ADCY9: variants seen among roughly 807,000 people sequenced by gnomAD.
ADCY9 encodes the protein adenylate cyclase 9.
Under a neutral mutation model 101.5 loss-of-function variants are expected in ADCY9, and 50 were observed. The ratio of observed to expected loss-of-function variants is 0.49; its 90% CI spans 0.39 to 0.62. The LOEUF is 0.62. Among genes scored for constraint, ADCY9 ranks in the 20% least tolerant of loss-of-function variants. The pLI is 0.00. For missense variants in ADCY9, 1,662 were observed against 1,800.4 expected, an observed-to-expected ratio of 0.92 and a Z score of 1.39; for synonymous variants, 905 against 769.3, an observed-to-expected ratio of 1.18 and a Z score of -2.92.
chr16:3,967,253 G>A (rs1273898478), intron 10 of ADCY9, among the ~76,000 whole-genome samples: 1 of 152,188 alleles, frequency 6.6e-6, no homozygotes, highest in African/African-American at 2.4e-5. Context: ...GCCTCCCAAA[G>A]TGCTGGAATT....
chr16:4,000,603 C>T (rs888909669), intron 3 of ADCY9, among the ~76,000 whole-genome samples: 16 of 152,232 alleles, frequency 1.1e-4, no homozygotes, highest in African/African-American at 3.6e-4. Context: ...GAACAGACAG[C>T]AGATGGCCTG....
intron 2 of ADCY9, among the ~76,000 whole-genome samples, chr16:4,015,861 G>A (rs1051853977): frequency 2.6e-5 from 4 of 151,996 alleles, no homozygotes; most frequent in African/African-American, 9.7e-5. Flanking sequence ...CCAGCTACTC[G>A]GGAGGCTAAG....
intron 3 of ADCY9, among the ~76,000 whole-genome samples, chr16:4,002,265 A>AT (rs2056336126): frequency 6.6e-6 from 1 of 152,118 alleles, no homozygotes; most frequent in Admixed American, 6.5e-5. Flanking sequence ...ATATGAAATC[A>AT]TTTTTTCAAT....
chr16:4,083,204 C>A (rs1488639413), intron 2 of ADCY9, among the ~76,000 whole-genome samples: 1 of 152,112 alleles, frequency 6.6e-6, no homozygotes, highest in Non-Finnish European at 1.5e-5. Context: ...CGTTAACTCA[C>A]AACAAAAACC....
At chr16:4,105,675 C>T (rs2057072194) in intron 2 of ADCY9, among the ~76,000 whole-genome samples, 1 of 57,398 alleles carries the variant, frequency 1.7e-5, no homozygotes, top group Non-Finnish European at 3.2e-5. Flanking sequence ...GAGACTCCGT[C>T]TCAAAAAAAA....
At chr16:3,982,803 C>T in intron 7 of ADCY9, 1 of 174,536 alleles carries the variant, frequency 5.7e-6, no homozygotes, top group Non-Finnish European at 1.2e-5. Context: ...GCGTCACATC[C>T]AAGAGACCAC....
intron 3 of ADCY9, among the ~76,000 whole-genome samples, chr16:4,006,669 A>G (rs943904059): frequency 6.6e-6 from 1 of 152,226 alleles, no homozygotes; most frequent in Non-Finnish European, 1.5e-5. Context: ...AGATGTTTAA[A>G]CTATAAAAAT....
At chr16:4,024,581 G>A (rs981683648) in intron 2 of ADCY9, among the ~76,000 whole-genome samples, 2 of 152,076 alleles carry the variant, frequency 1.3e-5, no homozygotes, top group African/African-American at 4.8e-5. Context: ...TCTTTTTAAA[G>A]CCTACACAGC....
At chr16:4,071,078 C>G (rs550224708) in intron 2 of ADCY9, among the ~76,000 whole-genome samples, 1 of 151,940 alleles carries the variant, frequency 6.6e-6, no homozygotes. Context: ...ACCTGTAATC[C>G]CGGCACTTTG....
At chr16:4,016,476 G>T (rs181864499) in intron 2 of ADCY9, among the ~76,000 whole-genome samples, 65 of 152,308 alleles carry the variant, frequency 4.3e-4, no homozygotes, top group African/African-American at 1.5e-3. Context: ...GGTCACACCT[G>T]CAGCAGGGAC....
rs187151267 is a variant in ADCY9 at position 4,021,811 on chromosome 16, T to A, written c.1694-14253A>T. Among the ~76,000 whole-genome samples, 115 of 152,282 alleles carry A rather than the reference T, an allele frequency of 7.6e-4. No homozygotes were observed. The East Asian group carries it at 0.018, about 23-fold the overall frequency. ...GGCAGGTCCCAGCACCAGACTCCAC[T>A]TCATCAGAACACTTCTGTTAGAGTC... On this transcript the variant is annotated intron_variant, in intron 2 of 10. Coordinates refer to ENST00000294016, the MANE Select transcript of ADCY9 (RefSeq NM_001116.4).
At chr16:3,960,080 T>A (rs1402545179), downstream of ADCY9, among the ~76,000 whole-genome samples, 1 of 152,114 alleles carries the variant, frequency 6.6e-6, no homozygotes, top group African/African-American at 2.4e-5. Context: ...AGCATTAACA[T>A]GCCAAATCAG....
At position 3,971,954 on chromosome 16, in the gene ADCY9, A is replaced by G. The variant is rs529109025; in HGVS notation, c.2870+2715T>C. 8.5e-5 allele frequency among the ~76,000 whole-genome samples: 13 copies of G among 152,340 alleles called. No homozygotes were observed. In the East Asian group the frequency reaches 2.3e-3, roughly 27 times the overall value. The stretch of plus-strand genomic sequence containing the variant: ...CCCCTCCAGGCAGAGGAGGGACAGC[A>G]GCACATGGGCTAGTGCCAGAGGGAG... On this transcript the variant is annotated intron_variant, in intron 10 of 10. Transcript: ENST00000294016.
At chr16:4,101,624 G>T (rs926805930) in intron 2 of ADCY9, among the ~76,000 whole-genome samples, 4 of 152,134 alleles carry the variant, frequency 2.6e-5, no homozygotes, top group Non-Finnish European at 5.9e-5. Context: ...TAGGCGTCAT[G>T]CCCCAAGAGG....
intron 2 of ADCY9, among the ~76,000 whole-genome samples, chr16:4,110,797 G>C (rs1029125198): frequency 6.6e-6 from 1 of 152,200 alleles, no homozygotes; most frequent in African/African-American, 2.4e-5. Flanking sequence ...GCCATGGAAA[G>C]AGGCAGTAAC....
Position 3,992,070 on chromosome 16 carries a change from TAAAGAA to T in ADCY9, c.2207+70_2207+75del, listed in dbSNP as rs771992351. ...TGGATGACAGAGCGAGACTCAGTCTTAAAGAAAAGAAAAGAAAAAGGCAGAGAGGCT... is the reference window on the plus strand; with the variant it reads ...TGGATGACAGAGCGAGACTCAGTCTTAAGAAAAGAAAAAGGCAGAGAGGCT... On this transcript the variant is annotated intron_variant, in intron 5 of 10. Transcript: ENST00000294016. The surrounding 1 kb of genome is among the most constrained non-coding windows in gnomAD (Gnocchi z 4.2). 430 of 1,461,002 alleles carry T rather than the reference TAAAGAA, an allele frequency of 2.9e-4. No homozygotes were observed. Among genetic ancestry groups the T allele is most frequent in the Non-Finnish European group, 3.3e-4 (350 of 1,059,504 alleles). 90.5% of individuals were successfully genotyped at this position (1,461,002 alleles called of 1,614,324 possible).
At chr16:3,983,484 G>C (rs2056163895) in intron 6 of ADCY9, 44 bp from the exon 7 acceptor site, 8 of 1,504,582 alleles carry the variant, frequency 5.3e-6, no homozygotes, top group Non-Finnish European at 7.3e-6. Context: ...GAGGCCATGG[G>C]CGGCCAGGAG....
At chr16:3,997,117 G>A (rs2283493) in intron 3 of ADCY9, among the ~76,000 whole-genome samples, 54,343 of 152,008 alleles carry the variant, frequency 0.36, 10,974 homozygotes, top group East Asian at 0.48. Flanking sequence ...TGCCTGCCTT[G>A]CCCTCCCAAA....
chr16:4,053,656 AC>A (rs1410819084), intron 2 of ADCY9, among the ~76,000 whole-genome samples: 2 of 139,600 alleles, frequency 1.4e-5, no homozygotes, highest in Admixed American at 7.5e-5. Context: ...AAAACTGCCA[AC>A]CGGCAAGGTC....
Sources: gnomAD v4.1 joint callset for allele counts (sites outside exome capture counted in the v4.1 genomes callset) on GRCh38, gnomAD v4.1.1 for gene constraint, Gnocchi (gnomAD v3.1) non-coding constraint, MANE v1.5 for transcripts, NCBI Gene and HGNC (gene_info 2026-07-23, HGNC 2026-07-21) for gene names.